Variants in DNAH1 observed in about 807,000 individuals in gnomAD.
DNAH1 encodes dynein axonemal heavy chain 1.
DNAH1 carries 327 observed loss-of-function variants against 484.3 expected under a neutral mutation model. That is an observed-to-expected ratio of 0.68 (90% confidence interval 0.62 to 0.74). DNAH1 has a LOEUF of 0.74. DNAH1 is among the 30% of genes least tolerant of loss of function. DNAH1 has a pLI of 0.00. For synonymous variants in DNAH1, 2,192 were observed against 2,191.9 expected (o/e 1.00, Z 0.00); for missense variants, 5,052 against 5,546.8 (o/e 0.91, Z 2.83).
chr3:52,352,538 T>C lies in DNAH1; in HGVS notation c.2872-14T>C, dbSNP rs556995558. The C allele has an allele frequency of 2.7e-5, 43 of 1,604,750 alleles. No individual in the cohort carries two copies. Among genetic ancestry groups the C allele is most frequent in the Middle Eastern group, 1.7e-4 (1 of 6,038 alleles). ...GCTGCAGGGGCATCTGACCCATTGCTCCTTGGCCTGCAGCTGGTAGTAGCT... is the reference window on the plus strand; with the variant it reads ...GCTGCAGGGGCATCTGACCCATTGCCCCTTGGCCTGCAGCTGGTAGTAGCT... On this transcript the variant is annotated splice_polypyrimidine_tract_variant and intron_variant, in intron 17 of 77. Coordinates refer to ENST00000420323, the MANE Select transcript of DNAH1 (RefSeq NM_015512.5).
chr3:52,357,998 G>A lies in DNAH1; in HGVS notation c.4081G>A (p.Ala1361Thr), dbSNP rs1464145145. The change falls in exon 24 of 78, where the codon GCT becomes ACT. Residue 1361 changes from alanine (A) to threonine (T), a missense_variant. By Grantham distance (58) the Ala-to-Thr change is moderately conservative. Coordinates refer to ENST00000420323, the MANE Select transcript of DNAH1 (RefSeq NM_015512.5). ...PHLRKCFENI[A>T]RLLFQEDLEI... ...CCTGCGCAAGTGCTTCGAGAACATC[G>A]CTCGGGTGGGCAGCTGGGCCCGGGG... is the stretch of plus-strand genomic sequence containing the variant. The A allele has an allele frequency of 3.1e-6, 5 of 1,602,492 alleles. No individual in the cohort carries two copies. Among genetic ancestry groups the A allele is most frequent in the African/African-American group, 1.3e-5 (1 of 74,692 alleles).
chr3:52,386,449 A>G (rs1704114740), intron 55 of DNAH1, 104 bp downstream of exon 55: 17 of 1,420,688 alleles, frequency 1.2e-5, no homozygotes, highest in Non-Finnish European at 1.4e-5. Flanking sequence ...CACCCTCCTC[A>G]TTCCAGCCCC....
chr3:52,372,833 C>T (rs1703403846), intron 43 of DNAH1, 63 bp from the exon 44 acceptor site: 3 of 1,556,556 alleles, frequency 1.9e-6, no homozygotes, highest in Admixed American at 1.9e-5. Context: ...CACCCGTTCG[C>T]CCCTGGATTC....
intron 2 of DNAH1, among the ~76,000 whole-genome samples, 183 bp downstream of exon 2, chr3:52,322,958 T>C (rs886921457): frequency 1.3e-5 from 2 of 152,214 alleles, no homozygotes; most frequent in Non-Finnish European, 1.5e-5. Context: ...CATCCATTTT[T>C]CTCACCACCC....
At position 52,358,874 on chromosome 3, in the gene DNAH1, CTT is replaced by C. The variant is rs1702732714; in HGVS notation, c.4266+139_4266+140del. On this transcript the variant is annotated intron_variant, in intron 25 of 77. Coordinates refer to ENST00000420323, the MANE Select transcript of DNAH1 (RefSeq NM_015512.5). This position sits in a 1 kb window ranked among gnomAD's most constrained non-coding sequence, Gnocchi z 4.2. The stretch of plus-strand genomic sequence containing the variant: ...GGGGGCTCAGGCGGGATTCTGGAGT[CTT>C]TCCTTTCCACACACACTCCAGAAAG... The C allele has an allele frequency of 3.0e-6, 3 of 1,012,696 alleles. No individual in the cohort carries two copies. Among genetic ancestry groups the C allele is most frequent in the African/African-American group, 1.6e-5 (1 of 60,904 alleles). The allele number at this position is 1,012,696 out of a possible 1,614,324, so 62.7% of individuals were successfully genotyped here. A position where few individuals can be genotyped will look rare whatever the true frequency, so the allele number is the denominator to read the frequency against.
intron 44 of DNAH1, chr3:52,373,527 T>C: frequency 6.8e-7 from 1 of 1,463,602 alleles, no homozygotes; most frequent in Non-Finnish European, 9.4e-7. Context: ...TGCTGTCCCG[T>C]CTACAGTGTC....
intron 8 of DNAH1, among the ~76,000 whole-genome samples, chr3:52,343,922 G>A (rs935006713): frequency 1.3e-5 from 2 of 152,178 alleles, no homozygotes; most frequent in African/African-American, 4.8e-5. Flanking sequence ...GTGAGGACGG[G>A]GGAGATGGTG....
chr3:52,374,896 C>T lies in DNAH1; in HGVS notation c.6986-344C>T, dbSNP rs201975501. On this transcript the variant is annotated intron_variant, in intron 44 of 77. Coordinates refer to ENST00000420323, the MANE Select transcript of DNAH1 (RefSeq NM_015512.5). The stretch of plus-strand genomic sequence containing the variant: ...AAAGCCAATCCCCAGGTACTAAAAA[C>T]GAGAGTGACATGAAAACGTCCAGGG... 3.4e-5 allele frequency: 35 copies of T among 1,022,498 alleles called. No individual in the cohort carries two copies. In the East Asian group the frequency reaches 4.4e-4, roughly 13 times the overall value. The allele number at this position is 1,022,498 out of a possible 1,614,324, so 63.3% of individuals were successfully genotyped here. A position where few individuals can be genotyped will look rare whatever the true frequency, so the allele number is the denominator to read the frequency against.
At chr3:52,321,398 G>T (rs1701142824) in intron 1 of DNAH1, among the ~76,000 whole-genome samples, 1 of 152,190 alleles carries the variant, frequency 6.6e-6, no homozygotes, top group Non-Finnish European at 1.5e-5. Context: ...TTATAGGAGT[G>T]AGCCACCGCC....
Position 52,395,599 on chromosome 3 carries a change from T to C in DNAH1, c.11180T>C (p.Val3727Ala), listed in dbSNP as rs1704587695. The C allele has an allele frequency of 3.7e-6, 6 of 1,613,628 alleles. No homozygotes were observed. Among genetic ancestry groups the C allele is most frequent in the Non-Finnish European group, 5.1e-6 (6 of 1,179,890 alleles). Residue 3727 changes from valine (V) to alanine (A), a missense_variant, in exon 70 of 78, where the codon GTC becomes GCC. Coordinates refer to ENST00000420323, the MANE Select transcript of DNAH1 (RefSeq NM_015512.5). This position sits in a 1 kb window ranked among gnomAD's most constrained non-coding sequence, Gnocchi z 4.4. ...MRSSIERGKW[V>A]FFQNCHLAPS... ...AGCTCCATAGAGAGGGGCAAATGGG[T>C]CTTCTTCCAGAACTGCCACCTGGCA...
chr3:52,361,109 AG>A lies in DNAH1; in HGVS notation c.4686-50del. 1 of 1,392,946 alleles carries A rather than the reference AG, an allele frequency of 7.2e-7. No homozygotes were observed. The highest frequency in any genetic ancestry group is 2.7e-5 in the East Asian group (1 of 36,572). 86.3% of individuals were successfully genotyped at this position (1,392,946 alleles called of 1,614,324 possible). A position where few individuals can be genotyped will look rare whatever the true frequency, so the allele number is the denominator to read the frequency against. On this transcript the variant is annotated intron_variant, in intron 28 of 77. Transcript: ENST00000420323. This position sits in a 1 kb window ranked among gnomAD's most constrained non-coding sequence, Gnocchi z 5.6. ...CCAGTCCACAGGAAATTCCAAGGAA[AG>A]GGGGAGTGTCCAGGCCATGTGCGGC...
chr3:52,380,779 C>T (rs1267885135), intron 48 of DNAH1, among the ~76,000 whole-genome samples: 1 of 152,204 alleles, frequency 6.6e-6, no homozygotes, highest in Non-Finnish European at 1.5e-5. Context: ...ATCAGCCGAG[C>T]CCATGATTGG....
rs1264964136 is a variant in DNAH1 at position 52,386,156 on chromosome 3, C to T, written c.8626-4C>T. 1 of 1,611,222 alleles carries T rather than the reference C, an allele frequency of 6.2e-7. No homozygotes were observed. The highest frequency in any genetic ancestry group is 1.3e-5 in the African/African-American group (1 of 74,990). On this transcript the variant is annotated splice_region_variant and splice_polypyrimidine_tract_variant and intron_variant, in intron 54 of 77. Coordinates refer to ENST00000420323, the MANE Select transcript of DNAH1 (RefSeq NM_015512.5). ...GAGGACATCCCTATGTCTCCCATCC[C>T]CAGGTGGATACGGCCATCGCCGAGG...
intron 3 of DNAH1, among the ~76,000 whole-genome samples, chr3:52,325,315 G>A (rs1701297469): frequency 6.6e-6 from 1 of 152,156 alleles, no homozygotes; most frequent in Non-Finnish European, 1.5e-5. Flanking sequence ...TAAGGCCCAA[G>A]GAAGGGGTCA....
intron 8 of DNAH1, among the ~76,000 whole-genome samples, chr3:52,334,547 G>C (rs1212121691): frequency 6.6e-6 from 1 of 152,096 alleles, no homozygotes; most frequent in African/African-American, 2.4e-5. Context: ...CCAGCACTTT[G>C]GGGGGCCAAG....
intron 12 of DNAH1, among the ~76,000 whole-genome samples, chr3:52,348,278 ATAGCTGCTAAGTG>A (rs1396632703): frequency 6.6e-6 from 1 of 152,204 alleles, no homozygotes; most frequent in Non-Finnish European, 1.5e-5. Flanking sequence ...CTAAGATTGC[ATAGCTGCTAAGTG>A]TTGGAACTGC....
chr3:52,395,226 T>G lies in DNAH1; in HGVS notation c.10969-82T>G, dbSNP rs1222607997. 2.2e-5 allele frequency: 34 copies of G among 1,525,698 alleles called. No homozygotes were observed. Among genetic ancestry groups the G allele is most frequent in the Non-Finnish European group, 2.9e-5 (33 of 1,129,344 alleles). The allele number at this position is 1,525,698 out of a possible 1,614,324, so 94.5% of individuals were successfully genotyped here. ...CACCAGGAAGCCCACTGGGGACCAC[T>G]CTGAGAACCCCAGATCCCCCTCCCT... On this transcript the variant is annotated intron_variant, in intron 68 of 77. Transcript: ENST00000420323. This position sits in a 1 kb window ranked among gnomAD's most constrained non-coding sequence, Gnocchi z 4.4.
Position 52,360,326 on chromosome 3 carries a change from T to C in DNAH1, c.4587T>C (p.Asn1529=). The C allele has an allele frequency of 6.2e-7, 1 of 1,613,760 alleles. No homozygotes were observed. The highest frequency in any genetic ancestry group is 1.3e-5 in the African/African-American group (1 of 75,042). ...WISQLRYYWT[N]NDLYIRAVNA... ...GCACCGCCAGGTACTACTGGACAAA[T>C]AATGACCTGTATATCCGTGCTGTGA... The change falls in exon 28 of 78, where the codon AAT becomes AAC. Residue 1529 remains asparagine, a synonymous_variant. Coordinates refer to ENST00000420323, the MANE Select transcript of DNAH1 (RefSeq NM_015512.5).
At chr3:52,372,154 A>G in intron 42 of DNAH1, 68 bp downstream of exon 42, 2 of 1,609,958 alleles carry the variant, frequency 1.2e-6, no homozygotes, top group South Asian at 2.2e-5. Context: ...CCAGCCTCCC[A>G]CATGGATGCA....
Sources: allele counts gnomAD v4.1 joint callset (sites outside exome capture counted in the v4.1 genomes callset), GRCh38; gene constraint gnomAD v4.1.1; non-coding constraint Gnocchi (gnomAD v3.1); transcripts MANE v1.5; gene names NCBI Gene and HGNC (gene_info 2026-07-23, HGNC 2026-07-21).